Variants in ANKRD11 observed in about 807,000 individuals in gnomAD.
The protein encoded by ANKRD11 is ankyrin repeat domain 11, also known as ankyrin repeat domain-containing protein 11.
In ANKRD11, 17 loss-of-function variants were observed where a neutral mutation model predicts 195.7. The observed-to-expected ratio is 0.09, with a 90% confidence interval of 0.06 to 0.13. The LOEUF (loss-of-function observed/expected upper bound fraction) is 0.13, where lower values mean the gene tolerates loss of function less well. ANKRD11 is among the 10% of genes least tolerant of loss of function. ANKRD11 has a pLI of 1.00. For missense variants in ANKRD11, 3,735 were observed against 3,566.1 expected (o/e 1.05, Z -1.21); for synonymous variants, 1,953 against 1,528.1 (o/e 1.28, Z -6.49).
chr16:89,462,375 A>G (rs2056709950), intron 1 of ANKRD11, among the ~76,000 whole-genome samples: 1 of 152,106 alleles, frequency 6.6e-6, no homozygotes, highest in Non-Finnish European at 1.5e-5. Flanking sequence ...TCAGTGCTCA[A>G]TGGTGCCCAG....
chr16:89,268,280 T>C lies in ANKRD11; in HGVS notation c.*198A>G, dbSNP rs1169592455. 3.0e-6 allele frequency: 1 copy of C among 331,234 alleles called. No homozygotes were observed. The highest frequency in any genetic ancestry group is 5.7e-5 in the East Asian group (1 of 17,452). 20.5% of individuals were successfully genotyped at this position (331,234 alleles called of 1,614,324 possible). A position where few individuals can be genotyped will look rare whatever the true frequency, so the allele number is the denominator to read the frequency against. On this transcript the variant is annotated 3_prime_UTR_variant, in exon 13 of 13. Coordinates refer to ENST00000301030, the MANE Select transcript of ANKRD11 (RefSeq NM_013275.6). ...GCTTTGCCCCCGCCGCGGCAGCTGG[T>C]AGAGAAGAGACGTGTTTCACCTCCC...
Position 89,474,460 on chromosome 16 carries a change from T to TA in ANKRD11, c.-145+15784dup, listed in dbSNP as rs764794916. ...GGTGAGACCCTGTCTCTACCTTATGTAAAAAAAAAAAAAAAAATTTAAGAC... is the reference window on the plus strand; with the variant it reads ...GGTGAGACCCTGTCTCTACCTTATGTAAAAAAAAAAAAAAAAAATTTAAGAC... On this transcript the variant is annotated intron_variant, in intron 1 of 12. Coordinates refer to ENST00000301030, the MANE Select transcript of ANKRD11 (RefSeq NM_013275.6). Among the ~76,000 whole-genome samples, 490 of 142,836 alleles carry TA rather than the reference T, an allele frequency of 3.4e-3. 4 individuals are homozygous for TA. Among genetic ancestry groups the TA allele is most frequent in the South Asian group, 0.019 (87 of 4,468 alleles). The allele number at this position is 142,836 out of a possible 152,430, so 93.7% of individuals were successfully genotyped here. A position where few individuals can be genotyped will look rare whatever the true frequency, so the allele number is the denominator to read the frequency against.
At chr16:89,358,060 G>T (rs1290841610) in intron 2 of ANKRD11, among the ~76,000 whole-genome samples, 1 of 152,202 alleles carries the variant, frequency 6.6e-6, no homozygotes, top group Admixed American at 6.5e-5. Flanking sequence ...AACAATGGAG[G>T]AAGTGAGTGA....
chr16:89,423,339 A>G (rs1181191069), intron 1 of ANKRD11, among the ~76,000 whole-genome samples: 1 of 152,244 alleles, frequency 6.6e-6, no homozygotes, highest in Non-Finnish European at 1.5e-5. Flanking sequence ...AACCAGCACC[A>G]TTAACCCTGG....
intron 1 of ANKRD11, among the ~76,000 whole-genome samples, chr16:89,463,612 T>C (rs2056778998): frequency 6.6e-6 from 1 of 151,904 alleles, no homozygotes; most frequent in South Asian, 2.1e-4. Flanking sequence ...CCCTCCACTA[T>C]TGTCCTATGA....
intron 1 of ANKRD11, among the ~76,000 whole-genome samples, chr16:89,459,742 T>G (rs1404150822): frequency 1.3e-5 from 2 of 152,108 alleles, no homozygotes; most frequent in Admixed American, 1.3e-4. Context: ...GAGGATTTCT[T>G]GAGGCGTCTG....
chr16:89,391,576 T>C (rs1024364637), intron 2 of ANKRD11, among the ~76,000 whole-genome samples: 4 of 152,010 alleles, frequency 2.6e-5, no homozygotes, highest in African/African-American at 4.8e-5. Flanking sequence ...ATCTGAGTTT[T>C]CCCCCTCAGA....
Position 89,290,638 on chromosome 16 carries a change from G to A in ANKRD11, c.588C>T (p.Val196=), listed in dbSNP as rs1264104251. The change falls in exon 6 of 13, where the codon GTC becomes GTT. Residue 196 remains valine (V), a synonymous_variant. Transcript: ENST00000301030. ...CAGGGTGCCCACCTGCGAAGTCCTT[G>A]ACGTTGACGTCTGCCCCCTCGCTGA... The part of the protein sequence containing the change: ...ELISEGADVN[V]KDFAGWTALH... 6.2e-7 allele frequency: 1 copy of A among 1,613,114 alleles called. No individual in the cohort carries two copies. The highest frequency in any genetic ancestry group is 1.1e-5 in the South Asian group (1 of 91,088).
Position 89,489,353 on chromosome 16 carries a change from G to A in ANKRD11, c.-145+892C>T, listed in dbSNP as rs1265648514. ...TCTCACATTGTTCCTTGAGGCCAAG[G>A]GCTGCTGTTGCAGCCGCCACCGCCA... On this transcript the variant is annotated intron_variant, in intron 1 of 12. Transcript: ENST00000301030. Among the ~76,000 whole-genome samples, 3 of 151,672 alleles carry A rather than the reference G, an allele frequency of 2.0e-5. No homozygotes were observed. The East Asian group carries it at 5.9e-4, about 30-fold the overall frequency.
At chr16:89,345,435 C>CGTCCATTCCTCT in intron 2 of ANKRD11, among the ~76,000 whole-genome samples, 1 of 152,172 alleles carries the variant, frequency 6.6e-6, no homozygotes, top group African/African-American at 2.4e-5. Context: ...GAGGCAGTCC[C>CGTCCATTCCTCT]GTCCATTCCT....
chr16:89,379,653 C>T (rs1288151988), intron 2 of ANKRD11, among the ~76,000 whole-genome samples: 1 of 152,224 alleles, frequency 6.6e-6, no homozygotes, highest in African/African-American at 2.4e-5. Context: ...CTCTCTGCCT[C>T]CCACCTCCAG....
chr16:89,425,115 C>G (rs2042666216), intron 1 of ANKRD11, among the ~76,000 whole-genome samples: 1 of 151,846 alleles, frequency 6.6e-6, no homozygotes, highest in Non-Finnish European at 1.5e-5. Context: ...AAGAAAGAGT[C>G]CAATATTGAC....
intron 1 of ANKRD11, among the ~76,000 whole-genome samples, chr16:89,439,624 C>G (rs923103905): frequency 6.6e-6 from 1 of 152,206 alleles, no homozygotes; most frequent in Non-Finnish European, 1.5e-5. Flanking sequence ...GCTGTGAATA[C>G]AACCACACAA....
In ANKRD11 at chr16:89,313,317, C is replaced by T. The variant is rs565736574; in HGVS notation, c.87+3616G>A. 230 of 1,287,216 alleles carry T rather than the reference C, an allele frequency of 1.8e-4. 1 individual carries two copies. The African/African-American group carries it at 3.1e-3, about 18-fold the overall frequency. The allele number at this position is 1,287,216 out of a possible 1,614,324, so 79.7% of individuals were successfully genotyped here. ...CACTGTTCTCTGTAGCCCTGCACAC[C>T]TTTGGATCAGAACACACTCAACGAT... On this transcript the variant is annotated intron_variant, in intron 3 of 12. Transcript: ENST00000301030.
chr16:89,473,372 T>G (rs1427286433), intron 1 of ANKRD11, among the ~76,000 whole-genome samples: 2 of 151,730 alleles, frequency 1.3e-5, no homozygotes, highest in East Asian at 3.9e-4. Context: ...TGGACTAGAG[T>G]AGAATTCCAC....
chr16:89,462,751 C>T (rs141013853), intron 1 of ANKRD11, among the ~76,000 whole-genome samples: 3,446 of 151,616 alleles, frequency 0.023, 144 homozygotes, highest in African/African-American at 0.079. Context: ...AGCACCTCTG[C>T]CCGGCCACCC....
chr16:89,287,970 AGGC>A lies in ANKRD11; in HGVS notation c.744+555_744+557del. On this transcript the variant is annotated intron_variant, in intron 7 of 12. Transcript: ENST00000301030. ...CATCAGTGAGACCCGCCGCATCTCC[AGGC>A]AGCACCCCTGCTTTCCGGCAGGACG... 6 of 470,866 alleles carry A rather than the reference AGGC, an allele frequency of 1.3e-5. No homozygotes were observed. In the South Asian group the frequency reaches 1.5e-4, roughly 12 times the overall value. The allele number at this position is 470,866 out of a possible 1,614,324, so 29.2% of individuals were successfully genotyped here.
chr16:89,329,995 AAAAATAAAATAAAAT>A (rs71134203), intron 2 of ANKRD11, among the ~76,000 whole-genome samples: 7 of 146,212 alleles, frequency 4.8e-5, no homozygotes, highest in South Asian at 4.4e-4. Context: ...ACCTTGTCTC[AAAAATAAAATAAAAT>A]AAAATAAAAT....
At chr16:89,458,311 G>A (rs543923537) in intron 1 of ANKRD11, among the ~76,000 whole-genome samples, 147 of 151,726 alleles carry the variant, frequency 9.7e-4, no homozygotes, top group Middle Eastern at 3.4e-3. Context: ...TGCAAGCTCC[G>A]CCTCCCGGGT....
Sources: allele counts gnomAD v4.1 joint callset (sites outside exome capture counted in the v4.1 genomes callset), GRCh38; gene constraint gnomAD v4.1.1; transcripts MANE v1.5; gene names NCBI Gene and HGNC (gene_info 2026-07-23, HGNC 2026-07-21).